Variants in PPP5C observed in about 807,000 individuals in gnomAD.
PPP5C encodes the protein serine/threonine-protein phosphatase 5.
Under a neutral mutation model 66.7 loss-of-function variants are expected in PPP5C, and 21 were observed. That is an observed-to-expected ratio of 0.31 (90% CI 0.22 to 0.45). The LOEUF (loss-of-function observed/expected upper bound fraction) is 0.45, where lower values mean the gene tolerates loss of function less well. PPP5C is among the 20% of genes least tolerant of loss of function. The pLI is 1.00. For synonymous variants in PPP5C, 246 were observed against 257.4 expected (o/e 0.96, Z 0.43); for missense variants, 464 against 675.9 (o/e 0.69, Z 3.48).
chr19:46,362,224 A>G (rs564651738), intron 2 of PPP5C, among the ~76,000 whole-genome samples: 1 of 152,324 alleles, frequency 6.6e-6, no homozygotes, highest in African/African-American at 2.4e-5. Context: ...GAAGCAAGCA[A>G]TTTTTAACTG....
At chr19:46,363,801 T>C (rs1972444131) in intron 2 of PPP5C, among the ~76,000 whole-genome samples, 1 of 152,204 alleles carries the variant, frequency 6.6e-6, no homozygotes, top group Non-Finnish European at 1.5e-5. Flanking sequence ...TACAAAAACA[T>C]GTATAGACAT....
intron 1 of PPP5C, among the ~76,000 whole-genome samples, chr19:46,350,068 AG>A (rs1238353908): frequency 2.0e-5 from 3 of 151,920 alleles, no homozygotes; most frequent in Admixed American, 1.3e-4. Context: ...GGTTCTGAGT[AG>A]GGAAAGGACA....
At chr19:46,387,512 C>T in intron 9 of PPP5C, 59 bp downstream of exon 9, 1 of 1,613,590 alleles carries the variant, frequency 6.2e-7, no homozygotes, top group South Asian at 1.1e-5. Flanking sequence ...CTGAGCTCTC[C>T]CCTGCAACCC....
At chr19:46,363,303 A>C (rs112221992) in intron 2 of PPP5C, among the ~76,000 whole-genome samples, 1 of 36,254 alleles carries the variant, frequency 2.8e-5, no homozygotes, top group Non-Finnish European at 4.5e-5. Flanking sequence ...GCGAGACTCC[A>C]TCTCAAAAAA....
At chr19:46,382,786 G>A (rs1274198732) in intron 4 of PPP5C, 2 of 1,002,740 alleles carry the variant, frequency 2.0e-6, no homozygotes, top group South Asian at 4.3e-5. Context: ...TGATAATACT[G>A]ACTAAGGTAG....
intron 2 of PPP5C, 135 bp downstream of exon 2, chr19:46,354,124 T>A: frequency 3.0e-6 from 4 of 1,330,976 alleles, no homozygotes; most frequent in Non-Finnish European, 4.1e-6. Context: ...TGTGGGGCCT[T>A]GGGCCCAGGC....
chr19:46,360,848 A>G (rs1399737267), intron 2 of PPP5C, among the ~76,000 whole-genome samples: 1 of 152,158 alleles, frequency 6.6e-6, no homozygotes, highest in Non-Finnish European at 1.5e-5. Context: ...TGAAACACTT[A>G]ATCAAAATAG....
At position 46,382,791 on chromosome 19, in the gene PPP5C, A is replaced by G. The variant is rs1337351737; in HGVS notation, c.634-620A>G. On this transcript the variant is annotated intron_variant, in intron 4 of 12. Coordinates refer to ENST00000012443, the MANE Select transcript of PPP5C (RefSeq NM_006247.4). Reference sequence around the variant, plus strand: ...ATCATTGATGTGATAATACTGACTAAGGTAGACAGTCCACAGGCCATCCGG... The same window carrying G: ...ATCATTGATGTGATAATACTGACTAGGGTAGACAGTCCACAGGCCATCCGG... 5 of 1,014,910 alleles carry G rather than the reference A, an allele frequency of 4.9e-6. No homozygotes were observed. The African/African-American group carries it at 8.6e-5, about 18-fold the overall frequency. The allele number at this position is 1,014,910 out of a possible 1,614,324, so 62.9% of individuals were successfully genotyped here.
chr19:46,380,341 T>G (rs1972769295), intron 4 of PPP5C, among the ~76,000 whole-genome samples: 1 of 151,672 alleles, frequency 6.6e-6, no homozygotes, highest in Non-Finnish European at 1.5e-5. Flanking sequence ...AAAAAAAGAA[T>G]CTTACAATAT....
At chr19:46,365,656 C>CTT (rs1398430975) in intron 2 of PPP5C, among the ~76,000 whole-genome samples, 3 of 152,130 alleles carry the variant, frequency 2.0e-5, no homozygotes, top group Admixed American at 2.0e-4. Context: ...GGTCTTCTTC[C>CTT]TAATGGGAGG....
chr19:46,375,257 A>G (rs1297079203), intron 2 of PPP5C, among the ~76,000 whole-genome samples: 6 of 152,046 alleles, frequency 3.9e-5, no homozygotes, highest in African/African-American at 1.2e-4. Flanking sequence ...CTTGGTAGTC[A>G]CGATAGTAGC....
intron 7 of PPP5C, chr19:46,386,620 T>G (rs1972893261): frequency 5.8e-6 from 1 of 172,742 alleles, no homozygotes; most frequent in Non-Finnish European, 1.3e-5. Flanking sequence ...GGCCTACTTT[T>G]TGGTTTTGAG....
rs1972698910 is a variant in PPP5C at position 46,376,506 on chromosome 19, A to G, written c.565A>G (p.Ser189Gly). 1 of 1,613,774 alleles carries G rather than the reference A, an allele frequency of 6.2e-7. No individual in the cohort carries two copies. The highest frequency in any genetic ancestry group is 8.5e-7 in the Non-Finnish European group (1 of 1,179,916). ...GCTTGAAGACGGCAAAGTGACAATC[A>G]GTTTCATGAAGGAGCTCATGCAGTG... ...PKLEDGKVTI[S>G]FMKELMQWYK... Residue 189 changes from serine (S) to glycine (G), a missense_variant, in exon 4 of 13, where the codon AGT becomes GGT. Transcript: ENST00000012443. The surrounding 1 kb of genome is among the most constrained non-coding windows in gnomAD (Gnocchi z 5.1).
chr19:46,363,491 G>C (rs886220860), intron 2 of PPP5C, among the ~76,000 whole-genome samples: 1 of 151,122 alleles, frequency 6.6e-6, no homozygotes. Flanking sequence ...GAGCAGTGGC[G>C]CGATCTCGGC....
chr19:46,361,505 G>A (rs1444549150), intron 2 of PPP5C, among the ~76,000 whole-genome samples: 1 of 147,106 alleles, frequency 6.8e-6, no homozygotes, highest in Non-Finnish European at 1.5e-5. Flanking sequence ...CCAGCACTTT[G>A]GGAGACTGAG....
At chr19:46,352,602 C>T (rs1024754196) in intron 1 of PPP5C, among the ~76,000 whole-genome samples, 6 of 152,110 alleles carry the variant, frequency 3.9e-5, no homozygotes, top group Admixed American at 2.6e-4. Context: ...AGGAGGATCA[C>T]GAGGTCAGGA....
intron 11 of PPP5C, among the ~76,000 whole-genome samples, chr19:46,389,460 C>CACAG (rs1568580025): frequency 5.8e-5 from 7 of 120,798 alleles, no homozygotes; most frequent in East Asian, 2.6e-4. Context: ...CACACACACA[C>CACAG]AGTGTTGATC....
rs368290557 is a variant in PPP5C, at chr19:46,375,663, G to A, written c.423G>A (p.Lys141=). The change falls in exon 3 of 13, where the codon AAG becomes AAA. Residue 141 remains lysine (K), a synonymous_variant. Transcript: ENST00000012443. Reference sequence around the variant, plus strand: ...AAATGAAATACCAGGAGTGCAACAAGATCGTGAAGCAGAAGGCCTTTGAGC... The same window carrying A: ...AAATGAAATACCAGGAGTGCAACAAAATCGTGAAGCAGAAGGCCTTTGAGC... The part of the protein sequence containing the change: ...DAKMKYQECN[K]IVKQKAFERA... 6.8e-6 allele frequency: 11 copies of A among 1,613,916 alleles called. No homozygotes were observed. In the African/African-American group the frequency reaches 1.2e-4, roughly 18 times the overall value.
intron 7 of PPP5C, among the ~76,000 whole-genome samples, chr19:46,385,548 G>T (rs1972867842): frequency 6.6e-6 from 1 of 152,208 alleles, no homozygotes; most frequent in South Asian, 2.1e-4. Flanking sequence ...GGGAGGCCAA[G>T]GCAGGTGGAT....
Sources: allele counts gnomAD v4.1 joint callset (sites outside exome capture counted in the v4.1 genomes callset), GRCh38; gene constraint gnomAD v4.1.1; non-coding constraint Gnocchi (gnomAD v3.1); transcripts MANE v1.5; gene names NCBI Gene and HGNC (gene_info 2026-07-23, HGNC 2026-07-21).